IL1RL2: variants seen among roughly 807,000 people sequenced by gnomAD.
IL1RL2 encodes the protein interleukin 1 receptor like 2, also known as interleukin-1 receptor-like 2.
Under a neutral mutation model 66.8 loss-of-function variants are expected in IL1RL2, and 68 were observed. That is an observed-to-expected ratio of 1.02 (90% CI 0.84 to 1.25). IL1RL2 has a LOEUF of 1.25. Ranked by LOEUF, IL1RL2 falls within the 50% of genes most tolerant of loss-of-function variation. The probability of loss-of-function intolerance (pLI) is 0.00; values close to 1 mark genes in which losing one functional copy is unlikely to be tolerated. For missense variants in IL1RL2, 729 were observed against 709.3 expected (o/e 1.03, Z -0.32); for synonymous variants, 305 against 264.6 (o/e 1.15, Z -1.48).
At chr2:102,191,887 G>C (rs1342887955) in intron 3 of IL1RL2, 38 bp from the exon 4 acceptor site, 57 of 1,336,544 alleles carry the variant, frequency 4.3e-5, no homozygotes, top group Non-Finnish European at 5.6e-5. Context: ...TTTGTGATTT[G>C]TTTTAAAGAG....
intron 8 of IL1RL2, among the ~76,000 whole-genome samples, chr2:102,223,862 G>A (rs1690360411): frequency 6.6e-6 from 1 of 152,198 alleles, no homozygotes; most frequent in Non-Finnish European, 1.5e-5. Context: ...TAGAGGATGA[G>A]GAAGCAGGAA....
In IL1RL2 at chr2:102,195,097, C is replaced by T. The variant is rs556140202; in HGVS notation, c.489+2977C>T. 6.6e-5 allele frequency among the ~76,000 whole-genome samples: 10 copies of T among 152,084 alleles called. No individual in the cohort carries two copies. In the South Asian group the frequency reaches 1.2e-3, roughly 19 times the overall value. On this transcript the variant is annotated intron_variant, in intron 4 of 11. Transcript: ENST00000264257. The stretch of plus-strand genomic sequence containing the variant: ...AACAGGTGGTTAGCCACATTTGGCC[C>T]GTTGTGTGGTTTGCTAGCCTCTTGT...
chr2:102,239,436 G>T lies in IL1RL2; in HGVS notation c.*195G>T. On this transcript the variant is annotated 3_prime_UTR_variant, in exon 12 of 12. Transcript: ENST00000264257. ...CATGTCATGGTGGGTGAGAGCTGGG[G>T]CCATCCCCGTGGTCATGGAGGGTGA... 1.8e-6 allele frequency: 1 copy of T among 556,892 alleles called. No individual in the cohort carries two copies. Among genetic ancestry groups the T allele is most frequent in the Non-Finnish European group, 3.3e-6 (1 of 301,208 alleles). The allele number at this position is 556,892 out of a possible 1,614,324, so 34.5% of individuals were successfully genotyped here.
At chr2:102,187,804 G>C (rs1363733641) in intron 1 of IL1RL2, 52 bp from the exon 2 acceptor site, 2 of 1,495,224 alleles carry the variant, frequency 1.3e-6, no homozygotes, top group Middle Eastern at 1.7e-4. Flanking sequence ...CCGGCGCCTC[G>C]GGCCCGCCCT....
At chr2:102,215,584 A>G (rs1689541168) in intron 6 of IL1RL2, among the ~76,000 whole-genome samples, 1 of 152,044 alleles carries the variant, frequency 6.6e-6, no homozygotes, top group Non-Finnish European at 1.5e-5. Context: ...CCTGAGAACC[A>G]GCCCAGTAGC....
chr2:102,220,647 G>A (rs1690029680), intron 8 of IL1RL2, among the ~76,000 whole-genome samples: 1 of 152,000 alleles, frequency 6.6e-6, no homozygotes, highest in African/African-American at 2.4e-5. Flanking sequence ...TACCAAGACA[G>A]TTGTTCTTGA....
At position 102,236,731 on chromosome 2, in the gene IL1RL2, TATTGCCTTCCC is replaced by T. The variant is rs571158055; in HGVS notation, c.1678+1473_1678+1483del. Among the ~76,000 whole-genome samples the T allele has an allele frequency of 1.0e-3, 157 of 152,294 alleles. 3 individuals are homozygous for T. In the East Asian group the frequency reaches 0.022, roughly 21 times the overall value. On this transcript the variant is annotated intron_variant, in intron 11 of 11. Transcript: ENST00000264257. The stretch of plus-strand genomic sequence containing the variant: ...CTGTGCCCATTAAGCTATGCCTCCC[TATTGCCTTCCC>T]ATTGCCTTCCCATTGCCTCCCCATT...
intron 5 of IL1RL2, among the ~76,000 whole-genome samples, chr2:102,202,812 A>G (rs1559537270): frequency 6.6e-6 from 1 of 152,222 alleles, no homozygotes; most frequent in Non-Finnish European, 1.5e-5. Context: ...ATATAAGATC[A>G]TATCATTTGC....
At chr2:102,224,728 T>A (rs1351779848) in intron 8 of IL1RL2, among the ~76,000 whole-genome samples, 1 of 152,200 alleles carries the variant, frequency 6.6e-6, no homozygotes, top group Non-Finnish European at 1.5e-5. Context: ...GGAATGAATT[T>A]GGAATATTCC....
Position 102,219,897 on chromosome 2 carries a change from CGGG to C in IL1RL2, c.872_874del (p.Arg291_Glu292delinsGln), listed in dbSNP as rs1456935273. 1.2e-6 allele frequency: 2 copies of C among 1,610,288 alleles called. No homozygotes were observed. Among genetic ancestry groups the C allele is most frequent in the Non-Finnish European group, 1.7e-6 (2 of 1,176,982 alleles). The stretch of plus-strand genomic sequence containing the variant: ...CTTTTATAGAACCCATGTCTCTTTT[CGGG>C]AACATAATTTGTACACAGTAAACAT... On this transcript the variant is annotated inframe_deletion, in exon 8 of 12. Transcript: ENST00000264257.
chr2:102,229,160 C>G (rs1316992567), intron 9 of IL1RL2, among the ~76,000 whole-genome samples: 1 of 152,118 alleles, frequency 6.6e-6, no homozygotes, highest in Non-Finnish European at 1.5e-5. Context: ...AATCTTTAGA[C>G]AGTATTTCAT....
intron 8 of IL1RL2, among the ~76,000 whole-genome samples, chr2:102,224,647 T>G (rs1430855069): frequency 6.6e-6 from 1 of 152,076 alleles, no homozygotes; most frequent in Non-Finnish European, 1.5e-5. Context: ...AGGAATGAGA[T>G]CTAGTGTTTG....
At chr2:102,196,459 C>T (rs1012762766) in intron 4 of IL1RL2, among the ~76,000 whole-genome samples, 4 of 152,166 alleles carry the variant, frequency 2.6e-5, no homozygotes, top group Admixed American at 2.6e-4. Flanking sequence ...TCTGTAAAAC[C>T]AGAGGGTTGG....
intron 6 of IL1RL2, among the ~76,000 whole-genome samples, chr2:102,216,802 GGCTAT>G (rs1689652814): frequency 6.6e-6 from 1 of 151,938 alleles, no homozygotes; most frequent in East Asian, 1.9e-4. Context: ...GGTTATAATA[GGCTAT>G]TTTAATCTGA....
intron 6 of IL1RL2, among the ~76,000 whole-genome samples, chr2:102,212,842 G>A (rs895066677): frequency 1.3e-5 from 2 of 152,048 alleles, no homozygotes; most frequent in African/African-American, 4.8e-5. Flanking sequence ...GGTGGCAGGC[G>A]CCTGTAGTCC....
chr2:102,199,718 T>C, intron 4 of IL1RL2, among the ~76,000 whole-genome samples: 1 of 152,046 alleles, frequency 6.6e-6, no homozygotes, highest in Non-Finnish European at 1.5e-5. Context: ...AATATGTATA[T>C]CTTGAAAGAA....
At position 102,210,916 on chromosome 2, in the gene IL1RL2, T is replaced by G. The variant is rs543448450; in HGVS notation, c.650-1184T>G. On this transcript the variant is annotated intron_variant, in intron 5 of 11. Coordinates refer to ENST00000264257, the MANE Select transcript of IL1RL2 (RefSeq NM_003854.4). ...TTTGAAGTAGTGGGTGTGAATGAGA[T>G]TGCTTAGGAAAATAATGGAAAATAG... 2.2e-4 allele frequency among the ~76,000 whole-genome samples: 33 copies of G among 152,136 alleles called. 2 individuals are homozygous for G. The highest frequency in any genetic ancestry group is 8.0e-4 in the African/African-American group (33 of 41,490).
chr2:102,239,167 G>A (rs1412141712), intron 11 of IL1RL2, 25 bp from the exon 12 acceptor site: 15 of 1,611,426 alleles, frequency 9.3e-6, no homozygotes, highest in Non-Finnish European at 1.2e-5. Context: ...CAGAAAAGGA[G>A]TAAATAGATC....
intron 5 of IL1RL2, among the ~76,000 whole-genome samples, chr2:102,211,717 A>G (rs953470638): frequency 6.6e-6 from 1 of 152,242 alleles, no homozygotes. Context: ...TGAAGGTAAA[A>G]CAAGAGGGTT....
Sources: gnomAD v4.1 joint callset for allele counts (sites outside exome capture counted in the v4.1 genomes callset) on GRCh38, gnomAD v4.1.1 for gene constraint, MANE v1.5 for transcripts, NCBI Gene and HGNC (gene_info 2026-07-23, HGNC 2026-07-21) for gene names.